ATM: variants seen among roughly 807,000 people sequenced by gnomAD.
ATM encodes the protein ATM serine/threonine kinase, also known as serine-protein kinase ATM.
A neutral mutation model predicts 387.0 loss-of-function variants in ATM; 308 were observed. The ratio of observed to expected loss-of-function variants is 0.80; its 90% CI spans 0.73 to 0.87. ATM has a LOEUF of 0.87. Among genes scored for constraint, ATM ranks in the 40% least tolerant of loss-of-function variants. The probability of loss-of-function intolerance (pLI) is 0.00; values close to 1 mark genes in which losing one functional copy is unlikely to be tolerated. For missense variants in ATM, 3,312 were observed against 3,560.9 expected (o/e 0.93, Z 1.78); for synonymous variants, 1,156 against 1,187.3 (o/e 0.97, Z 0.54).
rs917721053 is a variant in ATM at position 108,287,664 on chromosome 11, A to G, written c.4058A>G (p.Glu1353Gly). 7.4e-6 allele frequency: 12 copies of G among 1,613,910 alleles called. No homozygotes were observed. The highest frequency in any genetic ancestry group is 1.0e-5 in the Non-Finnish European group (12 of 1,179,942). ...GTGGAGTTATTGATGACGTTACATG[A>G]GCCAGCAAATTCTAGTGCCAGTCAG... ...IVVELLMTLH[E>G]PANSSASQST... Residue 1353 changes from glutamate (E) to glycine (G), a missense_variant, in exon 27 of 63, where the codon GAG (glutamate) becomes GGG (glycine). Glu to Gly is a moderately conservative substitution (Grantham distance 98). Transcript: ENST00000675843.
rs777534711 is a variant in ATM, at chr11:108,315,873, T to C, written c.6057T>C (p.Tyr2019=). The stretch of plus-strand genomic sequence containing the variant: ...GTATAGGGGAGCCAGATAGTTTGTA[T>C]GGCTGTGGTGGAGGGAAGATGTTAC... The part of the protein sequence containing the change: ...YRSIGEPDSL[Y]GCGGGKMLQP... The change falls in exon 41 of 63, where the codon TAT becomes TAC. Residue 2019 remains tyrosine (Y), a synonymous_variant. Coordinates refer to ENST00000675843, the MANE Select transcript of ATM (RefSeq NM_000051.4). 1 of 1,613,434 alleles carries C rather than the reference T, an allele frequency of 6.2e-7. No individual in the cohort carries two copies. Among genetic ancestry groups the C allele is most frequent in the East Asian group, 2.2e-5 (1 of 44,880 alleles).
At chr11:108,250,438 A>C (rs921166289) in intron 9 of ATM, among the ~76,000 whole-genome samples, 2 of 152,244 alleles carry the variant, frequency 1.3e-5, no homozygotes, top group African/African-American at 4.8e-5. Flanking sequence ...CCTGGCCCAA[A>C]TATTGCTAAT....
chr11:108,340,691 AAGAC>A (rs2087445854), intron 56 of ATM, among the ~76,000 whole-genome samples: 1 of 152,174 alleles, frequency 6.6e-6, no homozygotes, highest in African/African-American at 2.4e-5. Context: ...AAAATTGTCT[AAGAC>A]AGAGTACTCT....
chr11:108,314,554 T>C (rs1353362668), intron 40 of ATM, among the ~76,000 whole-genome samples: 1 of 152,106 alleles, frequency 6.6e-6, no homozygotes, highest in Non-Finnish European at 1.5e-5. Context: ...ACTACAGTCC[T>C]CCTGTTGTCT....
chr11:108,299,672 C>T, intron 33 of ATM, 42 bp from the exon 34 acceptor site: 1 of 1,590,640 alleles, frequency 6.3e-7, no homozygotes, highest in Non-Finnish European at 8.6e-7. Flanking sequence ...TATGTATGAT[C>T]TCTTACCTAT....
chr11:108,319,748 G>A (rs2085052490), intron 43 of ATM, among the ~76,000 whole-genome samples: 1 of 152,166 alleles, frequency 6.6e-6, no homozygotes, highest in African/African-American at 2.4e-5. Flanking sequence ...GAACCAGGCA[G>A]AGTATCTGAG....
chr11:108,319,167 ACT>A (rs1028635414), intron 43 of ATM, among the ~76,000 whole-genome samples: 1 of 152,260 alleles, frequency 6.6e-6, no homozygotes, highest in African/African-American at 2.4e-5. Flanking sequence ...ACAGAGTGAG[ACT>A]CTGTCTCAAA....
At chr11:108,359,754 C>A (rs1371222215) in intron 61 of ATM, among the ~76,000 whole-genome samples, 21 of 152,100 alleles carry the variant, frequency 1.4e-4, no homozygotes, top group Non-Finnish European at 2.5e-4. Flanking sequence ...CCAACGAGAA[C>A]AAAGACACAA....
At chr11:108,291,792 A>G (rs185669034) in intron 29 of ATM, among the ~76,000 whole-genome samples, 1 of 152,326 alleles carries the variant, frequency 6.6e-6, no homozygotes, top group East Asian at 1.9e-4. Flanking sequence ...ACACTTAGCC[A>G]TGCTTGCATT....
intron 18 of ATM, among the ~76,000 whole-genome samples, chr11:108,270,271 T>C (rs902748886): frequency 6.6e-6 from 1 of 152,180 alleles, no homozygotes; most frequent in Non-Finnish European, 1.5e-5. Flanking sequence ...TCCCTGCCCA[T>C]GATTATCTCT....
At chr11:108,347,707 G>A (rs2088627996) in intron 59 of ATM, among the ~76,000 whole-genome samples, 1 of 152,136 alleles carries the variant, frequency 6.6e-6, no homozygotes, top group Admixed American at 6.5e-5. Flanking sequence ...TGTGGGAGTG[G>A]TGAGACATTA....
chr11:108,289,766 C>T lies in ATM; in HGVS notation c.4401C>T (p.Asp1467=), dbSNP rs876660356. Residue 1467 remains aspartate, a synonymous_variant, in exon 29 of 63, where the codon GAC becomes GAT. Coordinates refer to ENST00000675843, the MANE Select transcript of ATM (RefSeq NM_000051.4). ...LGGAWAFVLR[D]VIYTLIHYIN... ...GAGCTTGGGCCTTTGTTCTTCGAGA[C>T]GTTATTTATACTTTGATTCACTATA... 7.4e-6 allele frequency: 12 copies of T among 1,613,210 alleles called. No individual in the cohort carries two copies. The highest frequency in any genetic ancestry group is 2.2e-5 in the East Asian group (1 of 44,870).
intron 38 of ATM, chr11:108,309,139 G>A (rs1252526797): frequency 1.0e-5 from 9 of 888,422 alleles, no homozygotes; most frequent in Admixed American, 2.1e-5. Context: ...AGCTTGTGCT[G>A]TGTAAAAATT....
At chr11:108,321,223 T>G in intron 44 of ATM, 78 bp from the exon 45 acceptor site, 1 of 1,585,498 alleles carries the variant, frequency 6.3e-7, no homozygotes, top group Non-Finnish European at 8.6e-7. Flanking sequence ...TGAGAACTCT[T>G]TAACAACAAA....
intron 36 of ATM, 98 bp downstream of exon 36, chr11:108,303,127 C>A: frequency 8.4e-7 from 1 of 1,189,676 alleles, no homozygotes; most frequent in East Asian, 2.4e-5. Flanking sequence ...AATATCACCC[C>A]CACTCAAACT....
chr11:108,347,219 C>T, intron 58 of ATM, 60 bp from the exon 59 acceptor site: 1 of 1,253,966 alleles, frequency 8.0e-7, no homozygotes. Flanking sequence ...GAAATTATGG[C>T]TATATATTAG....
At chr11:108,317,102 T>A (rs1387109317) in intron 42 of ATM, among the ~76,000 whole-genome samples, 20 of 144,532 alleles carry the variant, frequency 1.4e-4, no homozygotes, top group African/African-American at 3.6e-4. Context: ...CCCAGCTATT[T>A]TAAAAAAAAA....
At chr11:108,347,217 G>A (rs2137074206) in intron 58 of ATM, 62 bp from the exon 59 acceptor site, 2 of 1,236,352 alleles carry the variant, frequency 1.6e-6, no homozygotes, top group Non-Finnish European at 2.4e-6. Flanking sequence ...TTGAAATTAT[G>A]GCTATATATT....
At position 108,325,517 on chromosome 11, in the gene ATM, A is replaced by G. The variant is rs1555119325; in HGVS notation, c.6780A>G (p.Ile2260Met). 2 of 1,610,506 alleles carry G rather than the reference A, an allele frequency of 1.2e-6. No homozygotes were observed. The highest frequency in any genetic ancestry group is 8.5e-7 in the Non-Finnish European group (1 of 1,177,850). ...ILTKHLVELSILARTFKNTQL... is the reference protein window; with the variant it reads ...ILTKHLVELSMLARTFKNTQL... The stretch of plus-strand genomic sequence containing the variant: ...CCAAACACCTTGTAGAACTCTCTAT[A>G]CTGGCCAGAACTTTCAAGAACACTC... Residue 2260 changes from isoleucine to methionine, a missense_variant, in exon 46 of 63, where the codon ATA becomes ATG. Ile to Met is a conservative substitution (Grantham distance 10). Around this residue, in one of 4 missense-constraint regions of ATM, gnomAD observed 1,405 missense variants for 1,604.4 expected, o/e 0.88. Transcript: ENST00000675843.
Sources: allele counts gnomAD v4.1 joint callset (sites outside exome capture counted in the v4.1 genomes callset), GRCh38; gene constraint gnomAD v4.1.1; regional missense constraint gnomAD v4.1.1; transcripts MANE v1.5; gene names NCBI Gene and HGNC (gene_info 2026-07-23, HGNC 2026-07-21).